ZFHX3: variants seen among roughly 807,000 people sequenced by gnomAD.
ZFHX3 encodes zinc finger homeobox 3.
A neutral mutation model predicts 279.1 loss-of-function variants in ZFHX3; 42 were observed. That is an observed-to-expected ratio of 0.15 (90% CI 0.12 to 0.19). The LOEUF (loss-of-function observed/expected upper bound fraction) is 0.19. Among genes scored for constraint, ZFHX3 ranks in the 10% least tolerant of loss-of-function variants. The pLI is 1.00. For missense variants in ZFHX3, 4,981 were observed against 4,754.0 expected (o/e 1.05, Z -1.40); for synonymous variants, 2,293 against 1,957.8 (o/e 1.17, Z -4.52).
chr16:73,696,522 C>T (rs1047854268), intron 1 of ZFHX3, among the ~76,000 whole-genome samples: 4 of 152,192 alleles, frequency 2.6e-5, no homozygotes, highest in Non-Finnish European at 5.9e-5. Context: ...ATATATTAAG[C>T]TATCTCTAAC....
At chr16:73,630,006 C>T (rs1262688074) in intron 2 of ZFHX3, among the ~76,000 whole-genome samples, 1 of 152,116 alleles carries the variant, frequency 6.6e-6, no homozygotes, top group African/African-American at 2.4e-5. Context: ...TAATGAGTCA[C>T]TAAAACCATC....
At chr16:73,689,222 C>T (rs1321788870) in intron 1 of ZFHX3, among the ~76,000 whole-genome samples, 1 of 152,110 alleles carries the variant, frequency 6.6e-6, no homozygotes, top group African/African-American at 2.4e-5. Flanking sequence ...TTACGTGAAA[C>T]CTCTAAAGTT....
At chr16:73,035,874 A>C (rs928938742) in intron 1 of ZFHX3, among the ~76,000 whole-genome samples, 1 of 152,250 alleles carries the variant, frequency 6.6e-6, no homozygotes, top group Non-Finnish European at 1.5e-5. Flanking sequence ...ACTGGATTCC[A>C]GCCTGGGAGA....
At chr16:72,833,097 G>A (rs535434527) in intron 4 of ZFHX3, among the ~76,000 whole-genome samples, 1 of 152,298 alleles carries the variant, frequency 6.6e-6, no homozygotes, top group South Asian at 2.1e-4. Context: ...GTGTTTTATT[G>A]GTTCCGAAAG....
At chr16:73,468,822 T>C (rs2018615297) in intron 2 of ZFHX3, among the ~76,000 whole-genome samples, 1 of 152,166 alleles carries the variant, frequency 6.6e-6, no homozygotes, top group Non-Finnish European at 1.5e-5. Context: ...CCTAGAATGC[T>C]CCAATCACAA....
chr16:73,651,716 G>T (rs569317010), intron 2 of ZFHX3, among the ~76,000 whole-genome samples: 1 of 147,148 alleles, frequency 6.8e-6, no homozygotes, highest in East Asian at 2.0e-4. Context: ...AAAGCCGGGC[G>T]TGGTGGCAGG....
At chr16:73,370,176 A>C (rs1286937579) in intron 3 of ZFHX3, among the ~76,000 whole-genome samples, 1 of 152,216 alleles carries the variant, frequency 6.6e-6, no homozygotes, top group Non-Finnish European at 1.5e-5. Flanking sequence ...ACTTCAGTCA[A>C]GGGAGAAAAC....
At chr16:73,149,158 T>C (rs1385829623) in intron 5 of ZFHX3, among the ~76,000 whole-genome samples, 1 of 148,260 alleles carries the variant, frequency 6.7e-6, no homozygotes, top group Non-Finnish European at 1.5e-5. Flanking sequence ...TCAACAGATA[T>C]TATACTTTAT....
chr16:73,402,523 T>C (rs1026462205), intron 3 of ZFHX3: 2 of 152,252 alleles, frequency 1.3e-5, no homozygotes, highest in Non-Finnish European at 2.9e-5. Flanking sequence ...TGAATTTCTC[T>C]ACTTAACTTG....
intron 3 of ZFHX3, among the ~76,000 whole-genome samples, chr16:72,940,139 C>T (rs1012674175): frequency 4.0e-5 from 6 of 151,784 alleles, no homozygotes; most frequent in Non-Finnish European, 8.8e-5. Context: ...CTTGAACTCC[C>T]GGGCTCAAGT....
At chr16:72,925,899 C>A (rs1225776374) in intron 3 of ZFHX3, among the ~76,000 whole-genome samples, 1 of 152,192 alleles carries the variant, frequency 6.6e-6, no homozygotes, top group South Asian at 2.1e-4. Flanking sequence ...TCCCCCACTA[C>A]TCATTATATA....
At chr16:73,509,350 C>T (rs904398922) in intron 2 of ZFHX3, among the ~76,000 whole-genome samples, 1 of 151,924 alleles carries the variant, frequency 6.6e-6, no homozygotes, top group Non-Finnish European at 1.5e-5. Context: ...CTTCCCTTCT[C>T]CCCCTCCACC....
intron 3 of ZFHX3, among the ~76,000 whole-genome samples, chr16:72,906,295 G>A (rs2039170186): frequency 6.6e-6 from 1 of 152,010 alleles, no homozygotes; most frequent in Non-Finnish European, 1.5e-5. Flanking sequence ...AACATCCCCT[G>A]CTTACACTCA....
chr16:72,937,592 C>G (rs1374583221), intron 3 of ZFHX3, among the ~76,000 whole-genome samples: 1 of 152,198 alleles, frequency 6.6e-6, no homozygotes, highest in African/African-American at 2.4e-5. Flanking sequence ...TGGGTGCCAG[C>G]CCCCATGGAG....
chr16:72,925,600 C>T (rs1959405329), intron 3 of ZFHX3, among the ~76,000 whole-genome samples: 1 of 152,378 alleles, frequency 6.6e-6, no homozygotes, highest in East Asian at 1.9e-4. Context: ...TCCACTTAAC[C>T]CCGTCCCGTG....
intron 1 of ZFHX3, among the ~76,000 whole-genome samples, chr16:73,889,728 G>A (rs997448109): frequency 6.6e-6 from 1 of 152,148 alleles, no homozygotes; most frequent in Non-Finnish European, 1.5e-5. Flanking sequence ...GCTATTCTCT[G>A]TGCCCTCACC....
intron 4 of ZFHX3, among the ~76,000 whole-genome samples, chr16:73,313,203 C>T (rs9708319): frequency 0.78 from 117,963 of 152,190 alleles, 46,240 homozygotes; most frequent in African/African-American, 0.86. Flanking sequence ...CCTTCACCTT[C>T]CACCATGACT....
intron 5 of ZFHX3, among the ~76,000 whole-genome samples, chr16:73,245,653 G>A (rs1179498247): frequency 6.6e-6 from 1 of 152,194 alleles, no homozygotes; most frequent in African/African-American, 2.4e-5. Context: ...GCTGTCATGG[G>A]GAGTTAGGAG....
chr16:73,565,958 G>A (rs1254109997), intron 2 of ZFHX3, among the ~76,000 whole-genome samples: 1 of 152,166 alleles, frequency 6.6e-6, no homozygotes, highest in African/African-American at 2.4e-5. Flanking sequence ...CCGGGATGGG[G>A]GGGATCCCAA....
Sources: allele counts gnomAD v4.1 joint callset (sites outside exome capture counted in the v4.1 genomes callset), GRCh38; gene constraint gnomAD v4.1.1; transcripts MANE v1.5; gene names NCBI Gene and HGNC (gene_info 2026-07-23, HGNC 2026-07-21).